The following JPH3 variants were observed in gnomAD, a reference collection of about 807,000 sequenced individuals.
JPH3 encodes junctophilin-3.
Under a neutral mutation model 59.6 loss-of-function variants are expected in JPH3, and 11 were observed. The ratio of observed to expected loss-of-function variants is 0.18; its 90% CI spans 0.12 to 0.31. The LOEUF is 0.31. JPH3 is among the 10% of genes least tolerant of loss of function. The pLI is 1.00. For synonymous variants in JPH3, 673 were observed against 483.6 expected (o/e 1.39, Z -5.14); for missense variants, 1,202 against 1,105.7 (o/e 1.09, Z -1.24).
rs1429853220 is a variant in JPH3 at position 87,697,024 on chromosome 16, C to A, written c.*364C>A. On this transcript the variant is annotated 3_prime_UTR_variant, in exon 5 of 5. Transcript: ENST00000284262. Reference sequence around the variant, plus strand: ...CGTCTTGGGTGTGGATGGAGGGCAGCCCGGGGCAGAGCCTCAGCCCCGCGG... The same window carrying A: ...CGTCTTGGGTGTGGATGGAGGGCAGACCGGGGCAGAGCCTCAGCCCCGCGG... The A allele has an allele frequency of 6.6e-6, 2 of 301,308 alleles. No individual in the cohort carries two copies. The highest frequency in any genetic ancestry group is 3.3e-5 in the South Asian group (1 of 30,136). The allele number at this position is 301,308 out of a possible 1,614,324, so 18.7% of individuals were successfully genotyped here.
intron 1 of JPH3, among the ~76,000 whole-genome samples, chr16:87,641,338 G>A (rs1046232344): frequency 7.2e-5 from 11 of 152,164 alleles, no homozygotes; most frequent in African/African-American, 2.2e-4. Context: ...TGGCAGTGAG[G>A]TTGCTTCTGA....
chr16:87,623,923 A>G (rs1020735964), intron 1 of JPH3, among the ~76,000 whole-genome samples: 49 of 152,230 alleles, frequency 3.2e-4, no homozygotes, highest in African/African-American at 1.0e-3. Context: ...TGGAGCCCCC[A>G]TAATGGGAAT....
intron 1 of JPH3, among the ~76,000 whole-genome samples, chr16:87,619,097 A>T (rs2031076818): frequency 1.3e-5 from 2 of 151,794 alleles, no homozygotes. Context: ...CAAAAAAAAA[A>T]AAAAGGGGGG....
At position 87,648,931 on chromosome 16, in the gene JPH3, G is replaced by A. The variant is rs189406345; in HGVS notation, c.1160+3896G>A. ...GGACGCAGATGCTGCTGGCCTGAGCGTCCCCGGCTGTCTCCTGTCTGGTGT... is the reference window on the plus strand; with the variant it reads ...GGACGCAGATGCTGCTGGCCTGAGCATCCCCGGCTGTCTCCTGTCTGGTGT... On this transcript the variant is annotated intron_variant, in intron 2 of 4. Coordinates refer to ENST00000284262, the MANE Select transcript of JPH3 (RefSeq NM_020655.4). Among the ~76,000 whole-genome samples, 412 of 152,336 alleles carry A rather than the reference G, an allele frequency of 2.7e-3. 1 individual carries two copies. The highest frequency in any genetic ancestry group is 0.014 in the Middle Eastern group (4 of 294).
At chr16:87,604,996 C>T (rs973730794) in intron 1 of JPH3, 6 of 449,722 alleles carry the variant, frequency 1.3e-5, no homozygotes, top group Admixed American at 9.5e-5. Context: ...TGTGTGTGCG[C>T]GCGCGTGCAG....
intron 2 of JPH3, among the ~76,000 whole-genome samples, chr16:87,645,999 A>G (rs1015578182): frequency 2.0e-5 from 3 of 152,222 alleles, no homozygotes; most frequent in African/African-American, 4.8e-5. Context: ...GGGCCAGACG[A>G]GGGCCCTTGG....
intron 1 of JPH3, among the ~76,000 whole-genome samples, chr16:87,639,942 T>A (rs1430880441): frequency 1.3e-5 from 2 of 152,264 alleles, no homozygotes; most frequent in Non-Finnish European, 2.9e-5. Context: ...CATCTGTATC[T>A]GTAAGCTGGA....
chr16:87,626,739 G>A (rs1313172191), intron 1 of JPH3, among the ~76,000 whole-genome samples: 1 of 152,252 alleles, frequency 6.6e-6, no homozygotes, highest in East Asian at 1.9e-4. Context: ...TGTTCCAAGG[G>A]GAAGTGGCGG....
chr16:87,655,439 G>C (rs562249770), intron 2 of JPH3, among the ~76,000 whole-genome samples: 58 of 152,216 alleles, frequency 3.8e-4, no homozygotes, highest in African/African-American at 1.3e-3. Flanking sequence ...CTGCAGCCTC[G>C]ATCTCCTGAG....
chr16:87,690,409 G>T lies in JPH3; in HGVS notation c.2049G>T (p.Leu683=). 6.6e-7 allele frequency: 1 copy of T among 1,504,646 alleles called. No homozygotes were observed. Among genetic ancestry groups the T allele is most frequent in the Non-Finnish European group, 8.9e-7 (1 of 1,129,266 alleles). The allele number at this position is 1,504,646 out of a possible 1,614,324, so 93.2% of individuals were successfully genotyped here. A position where few individuals can be genotyped will look rare whatever the true frequency, so the allele number is the denominator to read the frequency against. The change falls in exon 4 of 5, where the codon CTG becomes CTT. Residue 683 remains leucine, a synonymous_variant. Transcript: ENST00000284262. ...TGCAGAAACTGGCGAGCCTGCGGCT[G>T]GGCGGGGCCGAGCCCCGGTTGCTGC... is the stretch of plus-strand genomic sequence containing the variant. ...PAVQKLASLR[L]GGAEPRLLRW... is the part of the protein sequence containing the mutation.
chr16:87,657,368 G>T (rs1007392176), intron 2 of JPH3, among the ~76,000 whole-genome samples: 1 of 152,184 alleles, frequency 6.6e-6, no homozygotes, highest in Non-Finnish European at 1.5e-5. Context: ...TGGGGACAGG[G>T]AGTGGACTGG....
At chr16:87,658,181 G>A (rs879595059) in intron 2 of JPH3, among the ~76,000 whole-genome samples, 2 of 152,168 alleles carry the variant, frequency 1.3e-5, no homozygotes, top group African/African-American at 2.4e-5. Context: ...ACAGTGAATG[G>A]ACACCAGGGA....
At chr16:87,692,802 C>G (rs1010284368) in intron 4 of JPH3, among the ~76,000 whole-genome samples, 1 of 152,204 alleles carries the variant, frequency 6.6e-6, no homozygotes, top group Non-Finnish European at 1.5e-5. Context: ...GAGACAGAAG[C>G]TTCCCTCCTG....
intron 1 of JPH3, among the ~76,000 whole-genome samples, chr16:87,610,191 A>G (rs550094652): frequency 6.6e-6 from 1 of 152,238 alleles, no homozygotes; most frequent in African/African-American, 2.4e-5. Context: ...GAGCGGCTGT[A>G]AATACAGACG....
chr16:87,603,325 C>T lies in JPH3; in HGVS notation c.179C>T (p.Thr60Met), dbSNP rs761193431. 6.2e-7 allele frequency: 1 copy of T among 1,613,218 alleles called. No individual in the cohort carries two copies. Among genetic ancestry groups the T allele is most frequent in the South Asian group, 1.1e-5 (1 of 91,028 alleles). The change falls in exon 1 of 5, where the codon ACG (threonine) becomes ATG (methionine). Residue 60 changes from threonine (T) to methionine (M), a missense_variant. Physicochemically the swap from Thr to Met is moderately conservative, Grantham distance 81. Coordinates refer to ENST00000284262, the MANE Select transcript of JPH3 (RefSeq NM_020655.4). ...GTCTACACCTGGCCCAGCGGCAACA[C>T]GTACCAGGGCACCTGGGCGCAGGGC... is the stretch of plus-strand genomic sequence containing the variant. The part of the protein sequence containing the change: ...LGVYTWPSGN[T>M]YQGTWAQGKR...
chr16:87,627,994 C>A (rs531873061), intron 1 of JPH3, among the ~76,000 whole-genome samples: 1 of 152,238 alleles, frequency 6.6e-6, no homozygotes, highest in African/African-American at 2.4e-5. Context: ...ATGCAGCAGG[C>A]AGTGAGGGGA....
intron 2 of JPH3, among the ~76,000 whole-genome samples, chr16:87,666,390 A>T (rs534178502): frequency 0.031 from 4,360 of 141,466 alleles, 210 homozygotes; most frequent in African/African-American, 0.11. Flanking sequence ...CGCCTGGCCT[A>T]TTTTTTTTTT....
At chr16:87,639,923 T>A (rs570550356) in intron 1 of JPH3, among the ~76,000 whole-genome samples, 6 of 152,344 alleles carry the variant, frequency 3.9e-5, no homozygotes, top group African/African-American at 1.4e-4. Flanking sequence ...ACTTTTCAGC[T>A]CTTGTTCCCA....
chr16:87,626,580 C>T (rs554045128), intron 1 of JPH3, among the ~76,000 whole-genome samples: 3 of 152,238 alleles, frequency 2.0e-5, no homozygotes, highest in East Asian at 1.9e-4. Flanking sequence ...TGCCTGAGCC[C>T]GGTGCTCCAA....
Sources: allele counts gnomAD v4.1 joint callset (sites outside exome capture counted in the v4.1 genomes callset), GRCh38; gene constraint gnomAD v4.1.1; transcripts MANE v1.5; gene names NCBI Gene and HGNC (gene_info 2026-07-23, HGNC 2026-07-21).